Variants in DMD observed in about 807,000 individuals in gnomAD.
DMD encodes dystrophin.
Under a neutral mutation model 330.1 loss-of-function variants are expected in DMD, and 63 were observed. The observed-to-expected ratio is 0.19, with a 90% CI of 0.16 to 0.24. The LOEUF (loss-of-function observed/expected upper bound fraction) is 0.24. Among genes scored for constraint, DMD ranks in the 10% least tolerant of loss-of-function variants. DMD has a pLI of 1.00. For missense variants in DMD, 3,344 were observed against 2,684.1 expected (o/e 1.25, Z -5.43); for synonymous variants, 1,223 against 959.8 (o/e 1.27, Z -5.07).
At chrX:31,632,654 G>T in intron 54 of DMD, among the ~76,000 whole-genome samples, 1 of 111,389 alleles carries the variant, frequency 9.0e-6, no homozygotes, top group Middle Eastern at 4.6e-3. Context: ...GTGAGATATA[G>T]GTCAGAGAGA....
chrX:31,813,627 G>A (rs1022270799), intron 50 of DMD, among the ~76,000 whole-genome samples: 8 of 111,849 alleles, frequency 7.2e-5, no homozygotes, highest in Non-Finnish European at 1.3e-4. Flanking sequence ...TCCAGTCTCG[G>A]GTATTTCTTC....
intron 7 of DMD, among the ~76,000 whole-genome samples, chrX:32,786,799 G>A (rs1209874783): frequency 8.9e-6 from 1 of 111,909 alleles, no homozygotes; most frequent in Non-Finnish European, 1.9e-5. Flanking sequence ...CTCACTAGCT[G>A]AGTGATGTGG....
At chrX:31,470,512 CTCTGGAAGCT>C (rs2149213226) in intron 59 of DMD, among the ~76,000 whole-genome samples, 1 of 112,225 alleles carries the variant, frequency 8.9e-6, no homozygotes, top group East Asian at 2.8e-4. Context: ...CTGTTCCTTC[CTCTGGAAGCT>C]TCATCCCAGA....
rs186252490 is a variant in DMD, at chrX:32,618,228, C to A, written c.1332-3775G>T. Among the ~76,000 whole-genome samples the A allele has an allele frequency of 2.8e-3, 313 of 112,136 alleles. 3 individuals are homozygous for A. Among genetic ancestry groups the A allele is most frequent in the African/African-American group, 9.4e-3 (292 of 30,915 alleles). On this transcript the variant is annotated intron_variant, in intron 11 of 78. Coordinates refer to ENST00000357033, the MANE Select transcript of DMD (RefSeq NM_004006.3). ...GACACATGCACACATATGTTCGTGG[C>A]AGCACTATTCACAATCACAAAGACA...
chrX:32,563,342 C>CAAAAA (rs745316161), intron 16 of DMD, among the ~76,000 whole-genome samples: 1 of 42,851 alleles, frequency 2.3e-5, no homozygotes, highest in African/African-American at 9.1e-5. Context: ...GACTCCATCT[C>CAAAAA]AAAAAAAAAA....
chrX:33,009,308 ATG>A (rs1312668455), intron 2 of DMD, among the ~76,000 whole-genome samples: 3 of 47,314 alleles, frequency 6.3e-5, no homozygotes, highest in Non-Finnish European at 1.1e-4. Flanking sequence ...GTATATACAC[ATG>A]TGTGTATATG....
At chrX:33,010,543 A>G in intron 2 of DMD, among the ~76,000 whole-genome samples, 1 of 110,546 alleles carries the variant, frequency 9.0e-6, no homozygotes, top group Admixed American at 9.7e-5. Context: ...ATGCTCAGCC[A>G]GTAAGTATAA....
intron 50 of DMD, among the ~76,000 whole-genome samples, chrX:31,782,044 C>T (rs1055531661): frequency 7.2e-5 from 8 of 111,401 alleles, no homozygotes; most frequent in African/African-American, 2.6e-4. Flanking sequence ...CTCTTTCCAA[C>T]ATGATATTGG....
At chrX:31,219,283 C>A (rs1219287326) in intron 64 of DMD, among the ~76,000 whole-genome samples, 6 of 111,034 alleles carry the variant, frequency 5.4e-5, no homozygotes, top group Non-Finnish European at 1.1e-4. Context: ...CTCCCTACCC[C>A]AGGACAGAAG....
chrX:31,788,897 CTTTTGGTTTCCATTTGCATGGAAACCAA>C (rs2091437768), intron 50 of DMD, among the ~76,000 whole-genome samples: 1 of 110,410 alleles, frequency 9.1e-6, no homozygotes, highest in African/African-American at 3.3e-5. Flanking sequence ...TCCCCATTCT[CTTTTGGTTTCCATTTGCATGGAAACCAA>C]AATATCTTTT....
intron 2 of DMD, among the ~76,000 whole-genome samples, chrX:33,001,682 C>T (rs1450125842): frequency 9.2e-6 from 1 of 109,287 alleles, no homozygotes; most frequent in Non-Finnish European, 1.9e-5. Context: ...CAGCGTCTAA[C>T]AGAATATAAA....
chrX:33,068,070 C>T (rs2094692563), intron 1 of DMD, among the ~76,000 whole-genome samples: 1 of 111,623 alleles, frequency 9.0e-6, no homozygotes, highest in Non-Finnish European at 1.9e-5. Flanking sequence ...TATTTTGTTA[C>T]AATTTCGAGA....
chrX:31,926,686 T>TAAAAA (rs778983156), intron 47 of DMD, among the ~76,000 whole-genome samples: 1 of 100,575 alleles, frequency 9.9e-6, no homozygotes, highest in Non-Finnish European at 2.0e-5. Context: ...AAAAAATAAA[T>TAAAAA]AAAAAAAAAA....
At chrX:32,077,776 T>A (rs1192596665) in intron 44 of DMD, among the ~76,000 whole-genome samples, 2 of 111,835 alleles carry the variant, frequency 1.8e-5, no homozygotes, top group Non-Finnish European at 3.8e-5. Flanking sequence ...AAAAATTATA[T>A]GTTGCCAAAT....
intron 2 of DMD, among the ~76,000 whole-genome samples, chrX:32,870,093 A>C (rs1423029107): frequency 2.7e-5 from 3 of 112,076 alleles, no homozygotes; most frequent in African/African-American, 9.7e-5. Flanking sequence ...CAAATTCAGC[A>C]AAGTCTCAGG....
intron 43 of DMD, among the ~76,000 whole-genome samples, chrX:32,260,791 G>A (rs763699886): frequency 4.1e-4 from 46 of 111,600 alleles, no homozygotes; most frequent in Non-Finnish European, 7.5e-4. Context: ...CTGCTTCTTC[G>A]AATCAAAGCT....
intron 1 of DMD, among the ~76,000 whole-genome samples, chrX:33,241,710 T>A (rs1481132823): frequency 8.9e-6 from 1 of 111,787 alleles, no homozygotes; most frequent in Non-Finnish European, 1.9e-5. Flanking sequence ...TTCATCAATG[T>A]CTTACAGTTT....
rs371928128 is a variant in DMD, at chrX:31,535,583, G to T, written c.8218-28130C>A. The stretch of plus-strand genomic sequence containing the variant: ...CATTCAGGACATAGGCGTGGGCAAG[G>T]ACTTCATGTCCAAAACACCAAAAGC... On this transcript the variant is annotated intron_variant, in intron 55 of 78. Transcript: ENST00000357033. Among the ~76,000 whole-genome samples the T allele has an allele frequency of 2.3e-4, 25 of 106,979 alleles. No homozygotes were observed. The East Asian group carries it at 5.3e-3, about 23-fold the overall frequency. 92.9% of individuals were successfully genotyped at this position (106,979 alleles called of 115,157 possible).
chrX:32,054,876 A>C (rs866306393), intron 44 of DMD, among the ~76,000 whole-genome samples: 1 of 16,782 alleles, frequency 6.0e-5, no homozygotes, highest in Non-Finnish European at 1.0e-4. Flanking sequence ...AGGGAAGGGG[A>C]GGGGAGGGGA....
Sources: allele counts gnomAD v4.1 joint callset (sites outside exome capture counted in the v4.1 genomes callset), GRCh38; gene constraint gnomAD v4.1.1; transcripts MANE v1.5; gene names NCBI Gene and HGNC (gene_info 2026-07-23, HGNC 2026-07-21).